CLEC16A: variants seen among roughly 807,000 people sequenced by gnomAD.
CLEC16A encodes the protein protein CLEC16A.
Under a neutral mutation model 109.5 loss-of-function variants are expected in CLEC16A, and 51 were observed. The ratio of observed to expected loss-of-function variants is 0.47; its 90% CI spans 0.37 to 0.59. The LOEUF (loss-of-function observed/expected upper bound fraction) is 0.59. Ranked by LOEUF, CLEC16A falls within the 20% of genes least tolerant of loss-of-function variation. The pLI is 0.00. For synonymous variants in CLEC16A, 673 were observed against 564.2 expected, an observed-to-expected ratio of 1.19 and a Z score of -2.73; for missense variants, 1,339 against 1,394.0, an observed-to-expected ratio of 0.96 and a Z score of 0.63.
chr16:11,002,537 G>A (rs2044728479), intron 10 of CLEC16A, among the ~76,000 whole-genome samples: 1 of 152,172 alleles, frequency 6.6e-6, no homozygotes, highest in African/African-American at 2.4e-5. Context: ...TAAAATGGCA[G>A]TGTTGCCACA....
chr16:11,061,386 T>G (rs528149837), intron 19 of CLEC16A, among the ~76,000 whole-genome samples: 23 of 152,344 alleles, frequency 1.5e-4, no homozygotes, highest in African/African-American at 5.5e-4. Context: ...ATGATTCTAA[T>G]GATAAAAGGG....
chr16:11,117,167 GT>G (rs1441236869), intron 19 of CLEC16A, among the ~76,000 whole-genome samples: 1 of 152,208 alleles, frequency 6.6e-6, no homozygotes, highest in Non-Finnish European at 1.5e-5. Flanking sequence ...TAGACACTGT[GT>G]ACTGCCAAAG....
At chr16:11,118,799 G>T (rs1567344279) in intron 19 of CLEC16A, among the ~76,000 whole-genome samples, 1 of 152,080 alleles carries the variant, frequency 6.6e-6, no homozygotes, top group African/African-American at 2.4e-5. Flanking sequence ...AATCTATCTT[G>T]AGTTGGTTTT....
chr16:11,020,758 A>T (rs974844284), intron 12 of CLEC16A, among the ~76,000 whole-genome samples: 1 of 152,212 alleles, frequency 6.6e-6, no homozygotes, highest in African/African-American at 2.4e-5. Context: ...TGCCCTCTTG[A>T]CTTGGCCACA....
At chr16:11,057,412 G>T (rs545021830) in intron 18 of CLEC16A, among the ~76,000 whole-genome samples, 27 of 152,346 alleles carry the variant, frequency 1.8e-4, no homozygotes, top group Admixed American at 5.9e-4. Context: ...CAGAACACAA[G>T]CCTGGGCTTG....
chr16:10,992,329 C>T (rs2044069446), intron 10 of CLEC16A, among the ~76,000 whole-genome samples: 1 of 151,988 alleles, frequency 6.6e-6, no homozygotes, highest in African/African-American at 2.4e-5. Flanking sequence ...GTTCTCCTCT[C>T]TACTTCTATG....
chr16:10,985,456 G>T (rs1196615060), intron 10 of CLEC16A, among the ~76,000 whole-genome samples: 8 of 151,830 alleles, frequency 5.3e-5, no homozygotes, highest in African/African-American at 1.7e-4. Flanking sequence ...CAGATGAGGC[G>T]TGTTTACCGT....
At chr16:11,041,465 C>T (rs1014778319) in intron 14 of CLEC16A, 1 of 152,224 alleles carries the variant, frequency 6.6e-6, no homozygotes, top group East Asian at 1.9e-4. Context: ...ATTTTTCTAC[C>T]TTTGGCCTCT....
At chr16:11,155,441 A>G (rs989775464) in intron 22 of CLEC16A, among the ~76,000 whole-genome samples, 1 of 152,192 alleles carries the variant, frequency 6.6e-6, no homozygotes, top group African/African-American at 2.4e-5. Context: ...GCTGCTCTTC[A>G]GGTTTCTCCC....
At chr16:11,121,809 G>C (rs943724078) in intron 20 of CLEC16A, among the ~76,000 whole-genome samples, 2 of 149,592 alleles carry the variant, frequency 1.3e-5, no homozygotes, top group African/African-American at 4.9e-5. Context: ...GAACCCAGGA[G>C]GCAGAGGATG....
chr16:11,115,777 C>T (rs2051943467), intron 19 of CLEC16A, among the ~76,000 whole-genome samples: 1 of 152,020 alleles, frequency 6.6e-6, no homozygotes, highest in African/African-American at 2.4e-5. Flanking sequence ...GAAGACTAGT[C>T]ATCTAGAGAA....
chr16:11,055,575 C>CTT (rs71136609), intron 18 of CLEC16A, among the ~76,000 whole-genome samples: 1,408 of 41,718 alleles, frequency 0.034, 486 homozygotes, highest in Non-Finnish European at 0.051. Flanking sequence ...TTCCCTCTTG[C>CTT]TTTTTTTTTT....
intron 19 of CLEC16A, among the ~76,000 whole-genome samples, chr16:11,102,333 T>G (rs1025743823): frequency 6.6e-6 from 1 of 152,212 alleles, no homozygotes; most frequent in South Asian, 2.1e-4. Flanking sequence ...CACAAAAGAT[T>G]AAAAACGTAA....
At chr16:11,055,790 T>C (rs945720776) in intron 18 of CLEC16A, among the ~76,000 whole-genome samples, 2 of 151,852 alleles carry the variant, frequency 1.3e-5, no homozygotes, top group African/African-American at 4.8e-5. Context: ...TTCCCCAGTC[T>C]GTTGGCCAGG....
At position 11,178,383 on chromosome 16, in the gene CLEC16A, T is replaced by C. The variant is rs772709548; in HGVS notation, c.2855T>C (p.Leu952Ser). The change falls in exon 24 of 24, where the codon TTG (leucine) becomes TCG (serine). Residue 952 changes from leucine (L) to serine (S), a missense_variant. By Grantham distance (145) the Leu-to-Ser change is moderately radical. Around this residue, in one of 3 missense-constraint regions of CLEC16A, gnomAD observed 1,061 missense variants for 1,006.8 expected, o/e 1.05. Transcript: ENST00000409790. This position sits in a 1 kb window ranked among gnomAD's most constrained non-coding sequence, Gnocchi z 6.5. ...ELPKPHLPDQ[L>S]VIVNETEADS... ...CCTAAGCCTCACCTTCCTGACCAGT[T>C]GGTAATCGTCAACGAAACGGAAGCA... 1.9e-6 allele frequency: 3 copies of C among 1,613,806 alleles called. No homozygotes were observed. Among genetic ancestry groups the C allele is most frequent in the South Asian group, 1.1e-5 (1 of 91,078 alleles).
At chr16:11,056,116 G>A (rs1347963236) in intron 18 of CLEC16A, among the ~76,000 whole-genome samples, 2 of 152,216 alleles carry the variant, frequency 1.3e-5, no homozygotes, top group African/African-American at 4.8e-5. Context: ...GAACATTGGA[G>A]CAGAACTTTG....
rs557081976 is a variant in CLEC16A, at chr16:11,124,546, G to T, written c.2473+600G>T. Among the ~76,000 whole-genome samples, 5 of 152,344 alleles carry T rather than the reference G, an allele frequency of 3.3e-5. No individual in the cohort carries two copies. The South Asian group carries it at 1.0e-3, about 32-fold the overall frequency. ...TTCTGAGGAAGCCCAACACTGCCCA[G>T]TATTAGGAAGGCCAGGATTTATTAC... On this transcript the variant is annotated intron_variant, in intron 21 of 23. Coordinates refer to ENST00000409790, the MANE Select transcript of CLEC16A (RefSeq NM_015226.3).
chr16:10,958,435 G>A (rs2042094678), intron 2 of CLEC16A, among the ~76,000 whole-genome samples: 1 of 152,136 alleles, frequency 6.6e-6, no homozygotes, highest in Admixed American at 6.5e-5. Context: ...AATCAGTGAG[G>A]GGTCCCGCAA....
intron 22 of CLEC16A, among the ~76,000 whole-genome samples, chr16:11,161,439 C>T (rs1435384937): frequency 6.6e-6 from 1 of 152,188 alleles, no homozygotes; most frequent in Non-Finnish European, 1.5e-5. Context: ...AGGGAACGGC[C>T]TAGCAAAGGT....
Sources: allele counts gnomAD v4.1 joint callset (sites outside exome capture counted in the v4.1 genomes callset), GRCh38; gene constraint gnomAD v4.1.1; regional missense constraint gnomAD v4.1.1; non-coding constraint Gnocchi (gnomAD v3.1); transcripts MANE v1.5; gene names NCBI Gene and HGNC (gene_info 2026-07-23, HGNC 2026-07-21).